Variants in CARF observed in about 807,000 individuals in gnomAD.
CARF encodes the protein calcium responsive transcription factor.
In CARF, 57 loss-of-function variants were observed where a neutral mutation model predicts 82.0. The observed-to-expected ratio is 0.70, with a 90% CI of 0.56 to 0.87. The LOEUF is 0.87. CARF is among the 40% of genes least tolerant of loss of function. The pLI is 0.00. For synonymous variants in CARF, 268 were observed against 290.1 expected, an observed-to-expected ratio of 0.92 and a Z score of 0.77; for missense variants, 771 against 855.8, an observed-to-expected ratio of 0.90 and a Z score of 1.24.
In CARF at chr2:202,983,762, A is replaced by G; in HGVS notation, c.*138A>G. On this transcript the variant is annotated 3_prime_UTR_variant, in exon 17 of 17. Coordinates refer to ENST00000438828, the MANE Select transcript of CARF (RefSeq NM_024744.17). Reference sequence around the variant, plus strand: ...TGAGAAGCTTTTATTTAAAACTGATATATTTGTTGCCAGTTCCATATTTTT... The same window carrying G: ...TGAGAAGCTTTTATTTAAAACTGATGTATTTGTTGCCAGTTCCATATTTTT... 1.6e-6 allele frequency: 1 copy of G among 633,018 alleles called. No individual in the cohort carries two copies. Among genetic ancestry groups the G allele is most frequent in the Non-Finnish European group, 2.8e-6 (1 of 360,636 alleles). The allele number at this position is 633,018 out of a possible 1,614,324, so 39.2% of individuals were successfully genotyped here.
rs777421058 is a variant in CARF at position 202,977,274 on chromosome 2, A to G, written c.1500A>G (p.Gln500=). The G allele has an allele frequency of 1.2e-5, 19 of 1,608,390 alleles. No homozygotes were observed. Among genetic ancestry groups the G allele is most frequent in the South Asian group, 4.5e-5 (4 of 89,352 alleles). ...AATAAATGTTCCCATTTCAGCTTCA[A>G]TGGACTACAGACAGTGGGAATATTC... ...YNSEIIPATL[Q]WTTDSGNILK... is the part of the protein sequence containing the mutation. The change falls in exon 14 of 17, where the codon CAA becomes CAG. Residue 500 remains glutamine, a synonymous_variant. Coordinates refer to ENST00000438828, the MANE Select transcript of CARF (RefSeq NM_024744.17).
At chr2:202,925,238 A>C in intron 3 of CARF, 1 of 368,346 alleles carries the variant, frequency 2.7e-6, no homozygotes. Context: ...AAGGATATGA[A>C]TGTAGCTTAC....
chr2:202,931,363 G>A (rs920631666), intron 3 of CARF, among the ~76,000 whole-genome samples: 9 of 152,176 alleles, frequency 5.9e-5, no homozygotes, highest in African/African-American at 2.2e-4. Flanking sequence ...TTAATTGACT[G>A]TTTATGTTAT....
intron 16 of CARF, among the ~76,000 whole-genome samples, chr2:202,982,954 C>T (rs912329808): frequency 1.3e-5 from 2 of 152,180 alleles, no homozygotes; most frequent in African/African-American, 4.8e-5. Flanking sequence ...GATGCAATCA[C>T]AGGTCACTGC....
At chr2:202,975,689 C>CA (rs2059995626) in intron 13 of CARF, among the ~76,000 whole-genome samples, 1 of 152,184 alleles carries the variant, frequency 6.6e-6, no homozygotes. Flanking sequence ...ATTTAACAGA[C>CA]ATTTATTGAG....
chr2:202,917,354 A>G (rs1265789508), intron 1 of CARF, among the ~76,000 whole-genome samples: 1 of 152,090 alleles, frequency 6.6e-6, no homozygotes, highest in Non-Finnish European at 1.5e-5. Flanking sequence ...GCAAAATTTA[A>G]TGCTTTAGTG....
At chr2:202,975,027 C>T (rs1035581409) in intron 13 of CARF, among the ~76,000 whole-genome samples, 4 of 151,976 alleles carry the variant, frequency 2.6e-5, no homozygotes, top group African/African-American at 7.2e-5. Flanking sequence ...AATAAAAACA[C>T]TGGCCAGGCA....
chr2:202,960,905 G>A (rs897462776), intron 8 of CARF, among the ~76,000 whole-genome samples: 4 of 152,100 alleles, frequency 2.6e-5, no homozygotes, highest in South Asian at 4.1e-4. Context: ...GTTTTACGCT[G>A]ATCTGGATTG....
At position 202,967,094 on chromosome 2, in the gene CARF, G is replaced by A; in HGVS notation, c.949G>A (p.Ala317Thr). Reference sequence around the variant, plus strand: ...TCAGCTCTACAAAGCCACTTGTCCAGCTCGGTAAGCTTTATTTTCTTTTAT... The same window carrying A: ...TCAGCTCTACAAAGCCACTTGTCCAACTCGGTAAGCTTTATTTTCTTTTAT... The part of the protein sequence containing the change: ...SCQLYKATCP[A>T]RIYIKKVQKF... The change falls in exon 10 of 17, where the codon GCT (alanine) becomes ACT (threonine). Residue 317 changes from alanine to threonine, a missense_variant. Coordinates refer to ENST00000438828, the MANE Select transcript of CARF (RefSeq NM_024744.17). 1.2e-6 allele frequency: 2 copies of A among 1,610,562 alleles called. No individual in the cohort carries two copies. The highest frequency in any genetic ancestry group is 1.7e-6 in the Non-Finnish European group (2 of 1,179,194).
chr2:202,976,595 G>A (rs1477226372), intron 13 of CARF, among the ~76,000 whole-genome samples: 2 of 152,084 alleles, frequency 1.3e-5, no homozygotes, highest in Non-Finnish European at 2.9e-5. Context: ...CAGTGATTAT[G>A]CCATTAAAAT....
chr2:202,931,455 G>T (rs1292216408), intron 3 of CARF, among the ~76,000 whole-genome samples: 1 of 152,218 alleles, frequency 6.6e-6, no homozygotes, highest in Non-Finnish European at 1.5e-5. Flanking sequence ...TTTTGACCGT[G>T]TGAGCAGTTG....
At position 202,982,111 on chromosome 2, in the gene CARF, TCA is replaced by T. The variant is rs1229190259; in HGVS notation, c.1731_1732del (p.Pro578SerfsTer7). 1 of 1,614,050 alleles carries T rather than the reference TCA, an allele frequency of 6.2e-7. No homozygotes were observed. The highest frequency in any genetic ancestry group is 8.5e-7 in the Non-Finnish European group (1 of 1,180,000). ...ACCAAGGTACACCTCTCCTGATGAA[TCA>T]CCAGCTGTGGTATCAGTAAATAACC... ...LQPRYTSPDE[S>X]PAVVSVNNQP... On this transcript the variant is annotated frameshift_variant, in exon 16 of 17. Transcript: ENST00000438828. LOFTEE classifies it high-confidence loss of function.
chr2:202,923,846 G>A (rs1447235910), intron 2 of CARF, among the ~76,000 whole-genome samples: 3 of 152,086 alleles, frequency 2.0e-5, no homozygotes, highest in Non-Finnish European at 4.4e-5. Flanking sequence ...ACTGATTTTC[G>A]ACAAAGCAAA....
Position 202,971,660 on chromosome 2 carries a change from A to C in CARF, c.1253A>C (p.His418Pro), listed in dbSNP as rs2059795611. Reference protein sequence around the residue: ...DENCALPSRLHPQVAHKIQEL... With the variant: ...DENCALPSRLPPQVAHKIQEL... ...AATTGTGCATTACCCTCACGTTTAC[A>C]TCCTCAAGTAGCACATAAGATTCAA... The change falls in exon 12 of 17, where the codon CAT becomes CCT. Residue 418 changes from histidine to proline, a missense_variant. Coordinates refer to ENST00000438828, the MANE Select transcript of CARF (RefSeq NM_024744.17). 1.9e-6 allele frequency: 3 copies of C among 1,613,608 alleles called. No homozygotes were observed. Among genetic ancestry groups the C allele is most frequent in the Non-Finnish European group, 2.5e-6 (3 of 1,179,682 alleles).
intron 8 of CARF, 55 bp downstream of exon 8, chr2:202,955,813 C>A (rs2105861725): frequency 2.2e-6 from 3 of 1,378,638 alleles, no homozygotes; most frequent in East Asian, 2.3e-5. Flanking sequence ...AACCACAGGT[C>A]ATCCCCAAAT....
At chr2:202,955,095 C>A (rs896136755) in intron 7 of CARF, among the ~76,000 whole-genome samples, 2 of 151,748 alleles carry the variant, frequency 1.3e-5, no homozygotes, top group African/African-American at 4.8e-5. Context: ...TCCTCTGTGG[C>A]AAAATGTTTA....
At chr2:202,935,168 TTAAATA>T (rs1032933785) in intron 3 of CARF, among the ~76,000 whole-genome samples, 16 of 139,484 alleles carry the variant, frequency 1.1e-4, no homozygotes, top group East Asian at 4.2e-4. Context: ...CTGTATATAT[TTAAATA>T]TAAATATAAA....
intron 5 of CARF, among the ~76,000 whole-genome samples, chr2:202,948,485 G>T (rs2058606626): frequency 6.6e-6 from 1 of 152,130 alleles, no homozygotes; most frequent in South Asian, 2.1e-4. Context: ...CTGTCCATGA[G>T]CATGGATTTT....
chr2:202,986,885 T>TATATATAC lies in CARF; in HGVS notation c.*3268_*3269insCATATATA, dbSNP rs1574834817. 5.1e-4 allele frequency: 48 copies of TATATATAC among 94,358 alleles called. 1 individual carries two copies. In the East Asian group the frequency reaches 8.0e-3, roughly 16 times the overall value. The allele number at this position is 94,358 out of a possible 1,614,324, so 5.8% of individuals were successfully genotyped here. The stretch of plus-strand genomic sequence containing the variant: ...GTCTGTGCGTATATATATATATATA[T>TATATATAC]ATATATATATATATATATATATAGC... On this transcript the variant is annotated 3_prime_UTR_variant, in exon 17 of 17. Transcript: ENST00000438828.
Sources: gnomAD v4.1 joint callset for allele counts (sites outside exome capture counted in the v4.1 genomes callset) on GRCh38, gnomAD v4.1.1 for gene constraint, MANE v1.5 for transcripts, NCBI Gene and HGNC (gene_info 2026-07-23, HGNC 2026-07-21) for gene names.